NCOR2: variants seen among roughly 807,000 people sequenced by gnomAD.
NCOR2 encodes CTG repeat protein 26.
In NCOR2, 81 loss-of-function variants were observed where a neutral mutation model predicts 262.9. That is an observed-to-expected ratio of 0.31 (90% CI 0.26 to 0.37). The LOEUF is 0.37. Ranked by LOEUF, NCOR2 falls within the 10% of genes least tolerant of loss-of-function variation. The pLI is 1.00. For synonymous variants in NCOR2, 1,659 were observed against 1,559.3 expected, an observed-to-expected ratio of 1.06 and a Z score of -1.51; for missense variants, 3,385 against 3,621.4, an observed-to-expected ratio of 0.93 and a Z score of 1.68.
At chr12:124,494,850 GC>G (rs1473512002) in intron 1 of NCOR2, among the ~76,000 whole-genome samples, 1 of 152,212 alleles carries the variant, frequency 6.6e-6, no homozygotes, top group Non-Finnish European at 1.5e-5. Flanking sequence ...AGTGAATACA[GC>G]AGGAGCTCCA....
In NCOR2 at chr12:124,495,120, C is replaced by T. The variant is rs752151443; in HGVS notation, c.105+27G>A. ...GGAAGAAGGGTCTCAAAGGTAGCCC[C>T]AGGCGCACACATGTGCACCCCCTTA... On this transcript the variant is annotated intron_variant, in intron 1 of 46. Coordinates refer to ENST00000405201, the Ensembl canonical transcript of NCOR2. The surrounding 1 kb of genome is among the most constrained non-coding windows in gnomAD (Gnocchi z 4.4). 5.0e-6 allele frequency: 8 copies of T among 1,610,964 alleles called. No homozygotes were observed. The African/African-American group carries it at 8.0e-5, about 16-fold the overall frequency.
chr12:124,449,689 C>G, intron 7 of NCOR2, 126 bp downstream of exon 9: 1 of 1,171,616 alleles, frequency 8.5e-7, no homozygotes, highest in Admixed American at 2.0e-5. Context: ...TCCGGGAGCA[C>G]CTGGCCCTGG....
intron 3 of NCOR2, among the ~76,000 whole-genome samples, chr12:124,473,828 C>G (rs577792766): frequency 2.6e-4 from 39 of 152,162 alleles, no homozygotes; most frequent in East Asian, 2.5e-3. Flanking sequence ...ATACACACCC[C>G]CTCCCCAATA....
At chr12:124,508,896 A>G (rs1052041405) in intron 1 of NCOR2, among the ~76,000 whole-genome samples, 6 of 151,960 alleles carry the variant, frequency 3.9e-5, no homozygotes, top group Non-Finnish European at 8.8e-5. Context: ...TGATGGGGGG[A>G]CAGGAGGTGG....
At chr12:124,383,359 G>A (rs1025520301) in intron 17 of NCOR2, 51 of 223,246 alleles carry the variant, frequency 2.3e-4, no homozygotes, top group African/African-American at 1.1e-3. Flanking sequence ...GTGCCTGCAC[G>A]CACCGTTCAA....
intron 5 of NCOR2, among the ~76,000 whole-genome samples, chr12:124,464,962 A>C (rs2046346173): frequency 6.6e-6 from 1 of 152,178 alleles, no homozygotes; most frequent in African/African-American, 2.4e-5. Context: ...CCCAGGCCCC[A>C]AACAGGCTTG....
At chr12:124,346,236 C>T (rs573185826) in intron 31 of NCOR2, among the ~76,000 whole-genome samples, 3 of 152,300 alleles carry the variant, frequency 2.0e-5, no homozygotes, top group African/African-American at 7.2e-5. Context: ...CGCACCTGGA[C>T]CCTCACAAAG....
intron 1 of NCOR2, among the ~76,000 whole-genome samples, chr12:124,508,212 C>T (rs1480382283): frequency 1.3e-5 from 2 of 152,248 alleles, no homozygotes; most frequent in East Asian, 1.9e-4. Context: ...CCAGGCTAAA[C>T]GGGAAGAATC....
intron 1 of NCOR2, among the ~76,000 whole-genome samples, chr12:124,487,940 G>A (rs980362065): frequency 7.9e-5 from 12 of 150,990 alleles, no homozygotes; most frequent in African/African-American, 2.2e-4. Context: ...CTTCACTTAC[G>A]CACCAATTCC....
rs369571536 is a variant in NCOR2 at position 124,495,200 on chromosome 12, G to A, written c.52C>T (p.Arg18Cys). 392 of 1,613,902 alleles carry A rather than the reference G, an allele frequency of 2.4e-4. 1 individual carries two copies. The highest frequency in any genetic ancestry group is 6.8e-4 in the Admixed American group (41 of 60,004). The change falls in exon 1 of 47, where the codon CGC (arginine) becomes TGC (cysteine). Residue 18 changes from arginine (R) to cysteine (C), a missense_variant. Coordinates refer to ENST00000405201, the Ensembl canonical transcript of NCOR2. This position sits in a 1 kb window ranked among gnomAD's most constrained non-coding sequence, Gnocchi z 4.4. ...TAGGAAAGGCTGTGGGGCGGGTAGCGGGGCTCAGTGGCCCTCCACGTCTGT... is the reference window on the plus strand; with the variant it reads ...TAGGAAAGGCTGTGGGGCGGGTAGCAGGGCTCAGTGGCCCTCCACGTCTGT...
intron 8 of NCOR2, among the ~76,000 whole-genome samples, chr12:124,437,116 AAATGAAATGAAATGT>A (rs1026919533): frequency 1.8e-4 from 27 of 148,902 alleles, no homozygotes; most frequent in African/African-American, 6.8e-4. Flanking sequence ...TAAACAAATA[AAATGAAATGAAATGT>A]AATGAAATGA....
rs1555297244 is a variant in NCOR2 at position 124,325,382 on chromosome 12, C to CCCA, written c.*19_*20insTGG. 1.7e-4 allele frequency: 72 copies of CCCA among 412,982 alleles called. 7 individuals are homozygous for CCCA. Among genetic ancestry groups the CCCA allele is most frequent in the South Asian group, 1.5e-3 (19 of 12,420 alleles). 25.6% of individuals were successfully genotyped at this position (412,982 alleles called of 1,614,324 possible). On this transcript the variant is annotated 3_prime_UTR_variant, in exon 47 of 47. Transcript: ENST00000405201. The stretch of plus-strand genomic sequence containing the variant: ...GCTCGCTGGGACCTGACACCGCCCC[C>CCCA]CCCCCCGCCCTGTTCTGAGTCACTC...
rs2037093407 is a variant in NCOR2 at position 124,348,044 on chromosome 12, T to C, written c.3985+130A>G. 3.4e-6 allele frequency: 5 copies of C among 1,487,504 alleles called. No individual in the cohort carries two copies. The Admixed American group carries it at 7.8e-5, about 23-fold the overall frequency. The allele number at this position is 1,487,504 out of a possible 1,614,324, so 92.1% of individuals were successfully genotyped here. ...TGGAGTAGGACCCAGCACGGGAAGG[T>C]CCCTGCGCTACCTCCAGATGGAGCC... On this transcript the variant is annotated intron_variant, in intron 29 of 46. Coordinates refer to ENST00000405201, the Ensembl canonical transcript of NCOR2.
At position 124,358,404 on chromosome 12, in the gene NCOR2, G is replaced by A. The variant is rs184490584; in HGVS notation, c.3101-1622C>T. ...TGCACGTGCACGTGCATGTGTGTGCGAGTGCATGGATGTGTGTGCGCCTGT... is the reference window on the plus strand; with the variant it reads ...TGCACGTGCACGTGCATGTGTGTGCAAGTGCATGGATGTGTGTGCGCCTGT... On this transcript the variant is annotated intron_variant, in intron 22 of 46. Coordinates refer to ENST00000405201, the Ensembl canonical transcript of NCOR2. 1.9e-4 allele frequency among the ~76,000 whole-genome samples: 29 copies of A among 152,238 alleles called. 1 individual carries two copies. Among genetic ancestry groups the A allele is most frequent in the African/African-American group, 6.0e-4 (25 of 41,552 alleles).
At chr12:124,359,620 C>T (rs2038353065) in intron 22 of NCOR2, among the ~76,000 whole-genome samples, 1 of 152,258 alleles carries the variant, frequency 6.6e-6, no homozygotes, top group Non-Finnish European at 1.5e-5. Flanking sequence ...GCCCCTCTGG[C>T]TACCCAGCCC....
intron 1 of NCOR2, among the ~76,000 whole-genome samples, chr12:124,550,001 T>A (rs1013715663): frequency 2.6e-5 from 4 of 152,224 alleles, no homozygotes; most frequent in African/African-American, 7.2e-5. Context: ...TCTAAGATCC[T>A]GTATCGCAGG....
At chr12:124,545,799 G>A (rs1255415677) in intron 1 of NCOR2, among the ~76,000 whole-genome samples, 1 of 152,102 alleles carries the variant, frequency 6.6e-6, no homozygotes, top group Non-Finnish European at 1.5e-5. Context: ...CAGGGTGAGG[G>A]TGGGGGTGGG....
At chr12:124,379,463 C>T (rs529314961) in intron 17 of NCOR2, among the ~76,000 whole-genome samples, 2 of 152,350 alleles carry the variant, frequency 1.3e-5, no homozygotes, top group South Asian at 2.1e-4. Context: ...TGGGCTTGAA[C>T]GCATAGACAG....
intron 10 of NCOR2, 80 bp from the exon 13 acceptor site, chr12:124,426,880 G>C (rs553063668): frequency 8.0e-6 from 11 of 1,373,514 alleles, no homozygotes; most frequent in South Asian, 3.0e-5. Flanking sequence ...GGAAGACACA[G>C]AGGGGACGGA....
Sources: allele counts gnomAD v4.1 joint callset (sites outside exome capture counted in the v4.1 genomes callset), GRCh38; gene constraint gnomAD v4.1.1; non-coding constraint Gnocchi (gnomAD v3.1); transcripts MANE v1.5; gene names NCBI Gene and HGNC (gene_info 2026-07-23, HGNC 2026-07-21).